ACO2: variants seen among roughly 807,000 people sequenced by gnomAD.
ACO2 encodes aconitate hydratase, mitochondrial.
Under a neutral mutation model 84.5 loss-of-function variants are expected in ACO2, and 31 were observed. That is an observed-to-expected ratio of 0.37 (90% CI 0.28 to 0.50). The LOEUF is 0.50. ACO2 is among the 20% of genes least tolerant of loss of function. The pLI is 0.97. For missense variants in ACO2, 685 were observed against 1,029.3 expected (o/e 0.67, Z 4.58); for synonymous variants, 414 against 412.7 (o/e 1.00, Z -0.04).
chr22:41,515,710 C>T lies in ACO2; in HGVS notation c.685-57C>T, dbSNP rs115730463. 39 of 1,610,158 alleles carry T rather than the reference C, an allele frequency of 2.4e-5. No individual in the cohort carries two copies. Among genetic ancestry groups the T allele is most frequent in the African/African-American group, 4.0e-5 (3 of 74,968 alleles). On this transcript the variant is annotated intron_variant, in intron 5 of 17. Transcript: ENST00000216254. This position sits in a 1 kb window ranked among gnomAD's most constrained non-coding sequence, Gnocchi z 5.8. ...AATGGCAGCAGGGCCATCCTGACTT[C>T]GTGGCTGGCACAGGCACACACGGCC...
At chr22:41,528,398 G>A (rs1032265104) in intron 17 of ACO2, 81 bp from the exon 18 acceptor site, 56 of 1,557,354 alleles carry the variant, frequency 3.6e-5, no homozygotes, top group Non-Finnish European at 4.7e-5. Context: ...CCCAGGCAGT[G>A]CCCTGTCTCC....
At chr22:41,482,142 G>A (rs2038095355) in intron 1 of ACO2, among the ~76,000 whole-genome samples, 1 of 152,192 alleles carries the variant, frequency 6.6e-6, no homozygotes, top group South Asian at 2.1e-4. Context: ...ACTGTTCTGT[G>A]TTGGTAGATG....
At chr22:41,483,469 C>T (rs2038113573) in intron 1 of ACO2, among the ~76,000 whole-genome samples, 1 of 151,954 alleles carries the variant, frequency 6.6e-6, no homozygotes, top group Non-Finnish European at 1.5e-5. Context: ...CCAGCCTAGC[C>T]AACATGGCAA....
chr22:41,505,642 C>T lies in ACO2; in HGVS notation c.174-2149C>T, dbSNP rs143843412. 2.0e-5 allele frequency among the ~76,000 whole-genome samples: 3 copies of T among 152,246 alleles called. No individual in the cohort carries two copies. In the East Asian group the frequency reaches 5.8e-4, roughly 29 times the overall value. ...TCCCTCTGTGCTGCAGCTTCCTCAT[C>T]TGTGCTGTGAGGATAAAATGAGTTT... is the stretch of plus-strand genomic sequence containing the variant. On this transcript the variant is annotated intron_variant, in intron 2 of 17. Transcript: ENST00000216254.
intron 1 of ACO2, among the ~76,000 whole-genome samples, chr22:41,498,288 GAC>G (rs780689603): frequency 2.0e-5 from 3 of 151,896 alleles, no homozygotes; most frequent in Non-Finnish European, 2.9e-5. Flanking sequence ...CTCCAGCCTG[GAC>G]AACAGAACAA....
intron 2 of ACO2, 75 bp downstream of exon 2, chr22:41,499,937 G>A: frequency 6.3e-7 from 1 of 1,575,618 alleles, no homozygotes; most frequent in Non-Finnish European, 8.7e-7. Flanking sequence ...AGAGAAGGAG[G>A]TGTTTTGTGA....
chr22:41,503,440 C>T (rs2066368363), intron 2 of ACO2, among the ~76,000 whole-genome samples: 1 of 152,102 alleles, frequency 6.6e-6, no homozygotes, highest in Non-Finnish European at 1.5e-5. Context: ...AAGTGATTCT[C>T]CTGCCTCAGC....
At chr22:41,525,059 G>A (rs1031536536) in intron 13 of ACO2, 91 bp downstream of exon 13, 1 of 1,606,546 alleles carries the variant, frequency 6.2e-7, no homozygotes, top group East Asian at 2.2e-5. Flanking sequence ...GGCAGGGAGG[G>A]CGCTGCTAGT....
chr22:41,527,130 T>C (rs1180101268), intron 15 of ACO2, 158 bp from the exon 16 acceptor site: 1 of 1,076,640 alleles, frequency 9.3e-7, no homozygotes, highest in Non-Finnish European at 1.3e-6. Context: ...AGGCTTCACT[T>C]GCCCTTAGGC....
chr22:41,498,034 C>T (rs979647344), intron 1 of ACO2, among the ~76,000 whole-genome samples: 14 of 152,094 alleles, frequency 9.2e-5, no homozygotes, highest in East Asian at 1.9e-4. Flanking sequence ...GTCCCAGCTA[C>T]GCGGGAGGCT....
At chr22:41,520,357 T>A in intron 9 of ACO2, 81 bp downstream of exon 9, 2 of 1,103,848 alleles carry the variant, frequency 1.8e-6, no homozygotes, top group Non-Finnish European at 2.6e-6. Flanking sequence ...CACCTATGCC[T>A]ACTGTGTGGC....
intron 14 of ACO2, chr22:41,526,017 C>T: frequency 2.2e-6 from 1 of 446,166 alleles, no homozygotes; most frequent in Non-Finnish European, 4.0e-6. Context: ...CTTTGGGCGG[C>T]CTCTGCCCCA....
intron 1 of ACO2, among the ~76,000 whole-genome samples, chr22:41,483,945 G>A (rs2038119568): frequency 6.6e-6 from 1 of 152,208 alleles, no homozygotes; most frequent in South Asian, 2.1e-4. Flanking sequence ...TGGGGAAGGA[G>A]ACAGAGGCTC....
Position 41,525,339 on chromosome 22 carries a change from C to T in ACO2, c.1752C>T (p.Ile584=), listed in dbSNP as rs1256533526. ...WDGKDLEDLQ[I]LIKVKGKCTT... Reference sequence around the variant, plus strand: ...GCAAGGACCTGGAGGACCTGCAGATCCTCATCAAGGTCAGCAGCATGGGGA... The same window carrying T: ...GCAAGGACCTGGAGGACCTGCAGATTCTCATCAAGGTCAGCAGCATGGGGA... The change falls in exon 14 of 18, where the codon ATC becomes ATT. Residue 584 remains isoleucine, a synonymous_variant. Coordinates refer to ENST00000216254, the MANE Select transcript of ACO2 (RefSeq NM_001098.3). 2.5e-6 allele frequency: 4 copies of T among 1,613,876 alleles called. No homozygotes were observed. In the South Asian group the frequency reaches 4.4e-5, roughly 18 times the overall value.
chr22:41,496,305 G>T (rs947191054), intron 1 of ACO2, among the ~76,000 whole-genome samples: 11 of 152,142 alleles, frequency 7.2e-5, no homozygotes, highest in Middle Eastern at 3.4e-3. Context: ...ATGAGAGCAA[G>T]ACCCTGTCTC....
At chr22:41,470,103 T>G (rs1482656757) in intron 1 of ACO2, among the ~76,000 whole-genome samples, 3 of 152,210 alleles carry the variant, frequency 2.0e-5, no homozygotes, top group Non-Finnish European at 4.4e-5. Context: ...TGTTAGGAGC[T>G]ATCTAGAAAG....
Position 41,498,612 on chromosome 22 carries a change from G to A in ACO2, c.37-1114G>A, listed in dbSNP as rs193104805. Among the ~76,000 whole-genome samples the A allele has an allele frequency of 2.6e-5, 4 of 152,262 alleles. No homozygotes were observed. The East Asian group carries it at 7.7e-4, about 29-fold the overall frequency. On this transcript the variant is annotated intron_variant, in intron 1 of 17. Coordinates refer to ENST00000216254, the MANE Select transcript of ACO2 (RefSeq NM_001098.3). Reference sequence around the variant, plus strand: ...AGGTGGTGCTGGTTATTGGCAAGAGGCCCCTGTTCCTGTCTAGGTGGGCCT... The same window carrying A: ...AGGTGGTGCTGGTTATTGGCAAGAGACCCCTGTTCCTGTCTAGGTGGGCCT...
intron 15 of ACO2, 126 bp from the exon 16 acceptor site, chr22:41,527,162 C>G (rs2146148702): frequency 5.6e-6 from 8 of 1,437,310 alleles, no homozygotes; most frequent in Admixed American, 1.9e-5. Flanking sequence ...AAGGGCCCCT[C>G]CAGCCCCTTT....
chr22:41,522,708 A>T (rs2066536835), intron 9 of ACO2, 122 bp from the exon 10 acceptor site: 1 of 1,138,762 alleles, frequency 8.8e-7, no homozygotes, highest in African/African-American at 1.6e-5. Context: ...CTGTTAAAAA[A>T]GTCTCTGGCC....
Sources: allele counts gnomAD v4.1 joint callset (sites outside exome capture counted in the v4.1 genomes callset), GRCh38; gene constraint gnomAD v4.1.1; non-coding constraint Gnocchi (gnomAD v3.1); transcripts MANE v1.5; gene names NCBI Gene and HGNC (gene_info 2026-07-23, HGNC 2026-07-21).